Variants in PTPN13 observed in about 807,000 individuals in gnomAD.
The protein encoded by PTPN13 is tyrosine-protein phosphatase non-receptor type 13.
A neutral mutation model predicts 284.0 loss-of-function variants in PTPN13; 191 were observed. That is an observed-to-expected ratio of 0.67 (90% CI 0.60 to 0.76). The LOEUF (loss-of-function observed/expected upper bound fraction) is 0.76, where lower values mean the gene tolerates loss of function less well. Ranked by LOEUF, PTPN13 falls within the 30% of genes least tolerant of loss-of-function variation. The pLI is 0.00. For synonymous variants in PTPN13, 986 were observed against 1,022.3 expected, an observed-to-expected ratio of 0.96 and a Z score of 0.68; for missense variants, 2,797 against 2,939.9, an observed-to-expected ratio of 0.95 and a Z score of 1.12.
In PTPN13 at chr4:86,638,815, C is replaced by A. The variant is rs867147192; in HGVS notation, c.115+3444C>A. On this transcript the variant is annotated intron_variant, in intron 2 of 47. Coordinates refer to ENST00000411767, the MANE Select transcript of PTPN13 (RefSeq NM_080683.3). ...ACACCAAAAGCAATGGCAACAAAAG[C>A]CAAAATTGACAAATGGGATCTAATT... Among the ~76,000 whole-genome samples the A allele has an allele frequency of 5.7e-3, 872 of 152,044 alleles. 12 individuals are homozygous for A. The highest frequency in any genetic ancestry group is 0.018 in the African/African-American group (761 of 41,458).
chr4:86,653,936 T>C (rs868593226), intron 2 of PTPN13, among the ~76,000 whole-genome samples: 9 of 152,200 alleles, frequency 5.9e-5, no homozygotes, highest in Non-Finnish European at 1.0e-4. Context: ...ATGCATAAAA[T>C]GTAAAGTTTA....
intron 21 of PTPN13, 38 bp from the exon 22 acceptor site, chr4:86,758,640 G>C (rs375842258): frequency 6.5e-7 from 1 of 1,527,452 alleles, no homozygotes; most frequent in Non-Finnish European, 9.1e-7. Flanking sequence ...TTTGAAAGCA[G>C]CAATATGAAA....
chr4:86,598,785 G>A (rs897437895), intron 1 of PTPN13, among the ~76,000 whole-genome samples: 3 of 151,556 alleles, frequency 2.0e-5, no homozygotes, highest in Admixed American at 6.6e-5. Flanking sequence ...TTTTTTAAGA[G>A]ACAAGATCTC....
intron 15 of PTPN13, among the ~76,000 whole-genome samples, chr4:86,737,806 T>C (rs902965617): frequency 2.6e-5 from 4 of 152,302 alleles, no homozygotes; most frequent in Admixed American, 2.6e-4. Flanking sequence ...CTCGGCTCAC[T>C]GCAACCTCTG....
intron 7 of PTPN13, among the ~76,000 whole-genome samples, chr4:86,707,506 G>T (rs1252154202): frequency 6.6e-6 from 1 of 152,148 alleles, no homozygotes; most frequent in African/African-American, 2.4e-5. Flanking sequence ...CATTTGAGAA[G>T]ATTGAATTTA....
At chr4:86,753,372 G>T (rs1445624304) in intron 20 of PTPN13, among the ~76,000 whole-genome samples, 1 of 152,008 alleles carries the variant, frequency 6.6e-6, no homozygotes, top group East Asian at 1.9e-4. Context: ...AGGGATGCTG[G>T]AGCTGAATTT....
intron 1 of PTPN13, among the ~76,000 whole-genome samples, chr4:86,624,095 T>C (rs1015228928): frequency 6.6e-6 from 1 of 152,194 alleles, no homozygotes; most frequent in East Asian, 1.9e-4. Context: ...GTAACAAATA[T>C]TTAAATAAAT....
At chr4:86,642,028 A>G (rs192996934) in intron 2 of PTPN13, among the ~76,000 whole-genome samples, 26 of 152,214 alleles carry the variant, frequency 1.7e-4, no homozygotes, top group Non-Finnish European at 2.8e-4. Context: ...TATTTTCGCA[A>G]TTTTGTGTGA....
chr4:86,685,647 A>C (rs1432646729), intron 3 of PTPN13, among the ~76,000 whole-genome samples: 1 of 152,228 alleles, frequency 6.6e-6, no homozygotes, highest in Non-Finnish European at 1.5e-5. Flanking sequence ...TGATGCAGTG[A>C]GATTTATTGG....
At chr4:86,734,257 A>C (rs749780412) in intron 12 of PTPN13, 46 bp from the exon 13 acceptor site, 2 of 1,333,102 alleles carry the variant, frequency 1.5e-6, no homozygotes, top group Admixed American at 5.8e-5. Context: ...AGAAAACACT[A>C]AAGTATTTTT....
Position 86,770,123 on chromosome 4 carries a change from G to A in PTPN13, c.4727G>A (p.Gly1576Glu), listed in dbSNP as rs756575363. The A allele has an allele frequency of 3.7e-6, 6 of 1,613,540 alleles. No individual in the cohort carries two copies. The African/African-American group carries it at 6.7e-5, about 18-fold the overall frequency. The change falls in exon 30 of 48, where the codon GGA becomes GAA. Residue 1576 changes from glycine (G) to glutamate (E), a missense_variant. Coordinates refer to ENST00000411767, the MANE Select transcript of PTPN13 (RefSeq NM_080683.3). ...CAGGAAGTCATATCTGCTCTCAGGG[G>A]AACTGCTCCAGAAGTATTCTTGCTT... The part of the protein sequence containing the change: ...SQQEVISALR[G>E]TAPEVFLLLC...
intron 2 of PTPN13, among the ~76,000 whole-genome samples, chr4:86,635,938 G>C (rs931314973): frequency 1.1e-4 from 16 of 152,124 alleles, no homozygotes; most frequent in Non-Finnish European, 1.5e-4. Context: ...ACTCCAGCCT[G>C]GGTGACAGAG....
At chr4:86,770,344 T>G in intron 30 of PTPN13, 145 bp downstream of exon 30, 1 of 650,634 alleles carries the variant, frequency 1.5e-6, no homozygotes, top group Admixed American at 2.8e-5. Context: ...ATCTTGTATG[T>G]GACAACTTCT....
At chr4:86,781,640 A>G (rs890165972) in intron 36 of PTPN13, among the ~76,000 whole-genome samples, 1 of 152,220 alleles carries the variant, frequency 6.6e-6, no homozygotes, top group African/African-American at 2.4e-5. Flanking sequence ...CACATGAACC[A>G]TTCAGCCCAA....
chr4:86,769,744 AT>A (rs573289774), intron 28 of PTPN13, 24 bp from the exon 29 acceptor site: 486 of 1,456,092 alleles, frequency 3.3e-4, no homozygotes, highest in Admixed American at 1.6e-3. Flanking sequence ...TAATATCTAA[AT>A]TTTTTTTATA....
intron 1 of PTPN13, among the ~76,000 whole-genome samples, chr4:86,614,518 T>C (rs1426879106): frequency 6.6e-6 from 1 of 152,190 alleles, no homozygotes; most frequent in Admixed American, 6.5e-5. Flanking sequence ...TCTGACAGAA[T>C]ACTTTTGACA....
intron 15 of PTPN13, among the ~76,000 whole-genome samples, chr4:86,739,817 G>T (rs920217261): frequency 2.6e-5 from 4 of 152,182 alleles, no homozygotes; most frequent in Admixed American, 6.5e-5. Flanking sequence ...TACAATGGGG[G>T]TTACAGGCAT....
chr4:86,602,694 AT>A (rs202040513), intron 1 of PTPN13, among the ~76,000 whole-genome samples: 8,523 of 137,886 alleles, frequency 0.062, 247 homozygotes, highest in African/African-American at 0.083. Context: ...TATTTTTCTG[AT>A]TTTTTTTTTT....
chr4:86,699,614 G>A (rs1730942730), intron 6 of PTPN13, among the ~76,000 whole-genome samples: 1 of 152,186 alleles, frequency 6.6e-6, no homozygotes, highest in South Asian at 2.1e-4. Context: ...GATTGACTAT[G>A]AATTTATGGT....
Sources: gnomAD v4.1 joint callset for allele counts (sites outside exome capture counted in the v4.1 genomes callset) on GRCh38, gnomAD v4.1.1 for gene constraint, MANE v1.5 for transcripts, NCBI Gene and HGNC (gene_info 2026-07-23, HGNC 2026-07-21) for gene names.